The following MCCC1 variants were observed in gnomAD, a reference collection of about 807,000 sequenced individuals.
MCCC1 encodes methylcrotonyl-CoA carboxylase subunit 1.
A neutral mutation model predicts 83.8 loss-of-function variants in MCCC1; 64 were observed. The ratio of observed to expected loss-of-function variants is 0.76; its 90% confidence interval spans 0.62 to 0.94. MCCC1 has a LOEUF of 0.94. MCCC1 is among the 40% of genes least tolerant of loss of function. The pLI is 0.00. For missense variants in MCCC1, 807 were observed against 904.7 expected (o/e 0.89, Z 1.39); for synonymous variants, 322 against 315.4 (o/e 1.02, Z -0.22).
At chr3:183,074,615 C>A (rs953308835) in intron 4 of MCCC1, among the ~76,000 whole-genome samples, 2 of 152,182 alleles carry the variant, frequency 1.3e-5, no homozygotes. Context: ...GAAAAACCCA[C>A]ATCCTAGTGA....
Position 183,023,034 on chromosome 3 carries a change from C to T in MCCC1, c.1732-480G>A, listed in dbSNP as rs773586213. Among the ~76,000 whole-genome samples, 5 of 152,270 alleles carry T rather than the reference C, an allele frequency of 3.3e-5. 1 individual carries two copies. Among genetic ancestry groups the T allele is most frequent in the South Asian group, 4.1e-4 (2 of 4,828 alleles). On this transcript the variant is annotated intron_variant, in intron 15 of 18. Transcript: ENST00000265594. ...ATGATATTCTTTTATCTTATCAACA[C>T]GTAGGCCCAATCATGGGTTTCAGTT...
chr3:183,114,159 T>C (rs1205220154), intron 1 of MCCC1, among the ~76,000 whole-genome samples: 1 of 152,216 alleles, frequency 6.6e-6, no homozygotes, highest in Non-Finnish European at 1.5e-5. Flanking sequence ...GTCTGATTGA[T>C]AACGCCCAAA....
intron 4 of MCCC1, among the ~76,000 whole-genome samples, chr3:183,078,366 A>G (rs930088879): frequency 1.3e-5 from 2 of 152,164 alleles, no homozygotes; most frequent in Non-Finnish European, 2.9e-5. Context: ...ATAGTTACAT[A>G]AGCTTTTCAA....
intron 1 of MCCC1, among the ~76,000 whole-genome samples, chr3:183,112,798 G>A (rs892210625): frequency 2.0e-5 from 3 of 152,028 alleles, no homozygotes; most frequent in African/African-American, 7.3e-5. Context: ...TTGAAGGCTG[G>A]GCGCATTGGC....
rs538995140 is a variant in MCCC1 at position 183,063,618 on chromosome 3, T to G, written c.762-6196A>C. ...GTAGCCATTCTTTATTCCTTTACTT[T>G]CTTAATAAACTTGCTTTCACTTTAC... On this transcript the variant is annotated intron_variant, in intron 7 of 18. Transcript: ENST00000265594. Among the ~76,000 whole-genome samples, 29 of 152,284 alleles carry G rather than the reference T, an allele frequency of 1.9e-4. No homozygotes were observed. In the South Asian group the frequency reaches 5.6e-3, roughly 29 times the overall value.
At chr3:183,090,442 C>A (rs1193113728) in intron 3 of MCCC1, among the ~76,000 whole-genome samples, 1 of 152,084 alleles carries the variant, frequency 6.6e-6, no homozygotes. Context: ...TAATTGTATG[C>A]ATTTATGGGG....
chr3:183,090,619 C>T (rs1718249393), intron 3 of MCCC1, among the ~76,000 whole-genome samples: 1 of 148,894 alleles, frequency 6.7e-6, no homozygotes, highest in South Asian at 2.1e-4. Flanking sequence ...GACAGAGTTT[C>T]GCTCTTGTTG....
chr3:183,052,548 C>T (rs1056446523), intron 8 of MCCC1, among the ~76,000 whole-genome samples: 1 of 152,184 alleles, frequency 6.6e-6, no homozygotes, highest in African/African-American at 2.4e-5. Context: ...GTGGCTCACG[C>T]CTGTAATCCC....
intron 9 of MCCC1, among the ~76,000 whole-genome samples, chr3:183,047,462 A>T (rs1032992095): frequency 1.3e-5 from 2 of 152,186 alleles, no homozygotes; most frequent in Non-Finnish European, 2.9e-5. Context: ...GCATACTAAA[A>T]GGCAAAAAAC....
At chr3:183,044,059 C>A (rs1013628853) in intron 10 of MCCC1, among the ~76,000 whole-genome samples, 12 of 152,100 alleles carry the variant, frequency 7.9e-5, no homozygotes, top group African/African-American at 2.7e-4. Flanking sequence ...CCACCAATCA[C>A]CCCCAAGGAA....
intron 14 of MCCC1, among the ~76,000 whole-genome samples, chr3:183,027,553 C>T (rs915442038): frequency 2.0e-5 from 3 of 152,270 alleles, no homozygotes; most frequent in Admixed American, 6.5e-5. Flanking sequence ...CAGTGACTCA[C>T]GCCTGTAATC....
chr3:183,086,117 T>C (rs1263923662), intron 4 of MCCC1, among the ~76,000 whole-genome samples: 1 of 152,218 alleles, frequency 6.6e-6, no homozygotes, highest in Admixed American at 6.5e-5. Flanking sequence ...CTAAACTAAG[T>C]TCCTTCTGCT....
intron 15 of MCCC1, among the ~76,000 whole-genome samples, chr3:183,024,079 T>C (rs766314215): frequency 9.9e-5 from 15 of 152,040 alleles, no homozygotes; most frequent in Non-Finnish European, 1.9e-4. Context: ...AGTGAAACCC[T>C]GTCTTTACTG....
At chr3:183,086,612 T>C (rs1717908512) in intron 4 of MCCC1, 81 bp downstream of exon 4, 1 of 1,285,586 alleles carries the variant, frequency 7.8e-7, no homozygotes, top group Non-Finnish European at 1.1e-6. Context: ...AGGCTAAAAA[T>C]AGAAAATTTC....
At position 183,110,189 on chromosome 3, in the gene MCCC1, G is replaced by T. The variant is rs1719470500; in HGVS notation, c.-102+5285C>A. Among the ~76,000 whole-genome samples the T allele has an allele frequency of 3.3e-5, 5 of 152,214 alleles. No individual in the cohort carries two copies. In the South Asian group the frequency reaches 8.3e-4, roughly 25 times the overall value. On this transcript the variant is annotated intron_variant, in intron 1 of 17. Transcript: ENST00000492597. ...ATTTGCAAATATTTTCTCCCATTCT[G>T]TAGGTTATCTGTGCATTCTGTTGAT...
chr3:183,074,274 G>T (rs1482028164), intron 4 of MCCC1, among the ~76,000 whole-genome samples: 1 of 152,162 alleles, frequency 6.6e-6, no homozygotes, highest in Admixed American at 6.5e-5. Flanking sequence ...TACTTACTGG[G>T]ATTTTAGCCC....
At chr3:183,074,979 T>C (rs1716959419) in intron 4 of MCCC1, among the ~76,000 whole-genome samples, 2 of 152,238 alleles carry the variant, frequency 1.3e-5, no homozygotes, top group Admixed American at 6.5e-5. Flanking sequence ...TTTGGTTTTC[T>C]GTTCCTGTGG....
At chr3:183,048,070 AT>A (rs1338460519) in intron 9 of MCCC1, among the ~76,000 whole-genome samples, 4 of 152,200 alleles carry the variant, frequency 2.6e-5, no homozygotes, top group Admixed American at 2.6e-4. Flanking sequence ...TTTCAGCTGC[AT>A]TTTAATCTTA....
At chr3:183,077,008 C>T (rs1176473619) in intron 4 of MCCC1, among the ~76,000 whole-genome samples, 1 of 152,132 alleles carries the variant, frequency 6.6e-6, no homozygotes, top group East Asian at 1.9e-4. Flanking sequence ...GTGACTGGCT[C>T]TGTCACTGAA....
Sources: allele counts gnomAD v4.1 joint callset (sites outside exome capture counted in the v4.1 genomes callset), GRCh38; gene constraint gnomAD v4.1.1; transcripts MANE v1.5; gene names NCBI Gene and HGNC (gene_info 2026-07-23, HGNC 2026-07-21).